Variants in KIF16B observed in about 807,000 individuals in gnomAD.
KIF16B encodes the protein kinesin family member 16B.
KIF16B carries 98 observed loss-of-function variants against 156.3 expected under a neutral mutation model. The observed-to-expected ratio is 0.63, with a 90% confidence interval of 0.53 to 0.74. The LOEUF (loss-of-function observed/expected upper bound fraction) is 0.74. Among genes scored for constraint, KIF16B ranks in the 30% least tolerant of loss-of-function variants. KIF16B has a pLI of 0.00. For synonymous variants in KIF16B, 564 were observed against 583.7 expected, an observed-to-expected ratio of 0.97 and a Z score of 0.49; for missense variants, 1,421 against 1,606.5, an observed-to-expected ratio of 0.88 and a Z score of 1.97.
intron 1 of KIF16B, among the ~76,000 whole-genome samples, chr20:16,570,145 C>G (rs963493161): frequency 2.0e-5 from 3 of 152,206 alleles, no homozygotes; most frequent in Non-Finnish European, 4.4e-5. Context: ...TATAACTTAA[C>G]AAATTTCCCA....
At chr20:16,442,559 A>G (rs1008961368) in intron 12 of KIF16B, among the ~76,000 whole-genome samples, 1 of 152,112 alleles carries the variant, frequency 6.6e-6, no homozygotes, top group African/African-American at 2.4e-5. Context: ...GATGATAAAT[A>G]TATCTGGATT....
intron 19 of KIF16B, among the ~76,000 whole-genome samples, chr20:16,375,182 C>A (rs1236772040): frequency 6.6e-6 from 1 of 152,252 alleles, no homozygotes; most frequent in African/African-American, 2.4e-5. Flanking sequence ...GGCCAGAGGG[C>A]CAACCTTGCC....
intron 12 of KIF16B, among the ~76,000 whole-genome samples, chr20:16,436,098 C>A (rs2066634187): frequency 6.6e-6 from 1 of 151,948 alleles, no homozygotes; most frequent in South Asian, 2.1e-4. Context: ...ATCTATGCAG[C>A]CACCCATAGC....
chr20:16,374,918 A>T (rs1171083303), intron 19 of KIF16B, among the ~76,000 whole-genome samples: 1 of 152,198 alleles, frequency 6.6e-6, no homozygotes, highest in Admixed American at 6.5e-5. Context: ...ACGGCAGAAG[A>T]TTATCTAAGT....
intron 25 of KIF16B, among the ~76,000 whole-genome samples, chr20:16,305,407 C>A (rs78224724): frequency 0.019 from 2,927 of 152,204 alleles, 42 homozygotes; most frequent in Non-Finnish European, 0.032. Context: ...ATCAACCATA[C>A]TTTTTATTGA....
chr20:16,487,129 T>C (rs1322229301), intron 12 of KIF16B, among the ~76,000 whole-genome samples: 1 of 152,002 alleles, frequency 6.6e-6, no homozygotes, highest in Admixed American at 6.6e-5. Flanking sequence ...GGTGGGTGCC[T>C]GTATTCCCAG....
At chr20:16,511,576 A>G in intron 5 of KIF16B, 49 bp from the exon 6 acceptor site, 1 of 1,228,662 alleles carries the variant, frequency 8.1e-7, no homozygotes, top group Non-Finnish European at 1.2e-6. Flanking sequence ...TTCAGACATT[A>G]ATATCAGTAA....
chr20:16,297,507 T>C (rs1022483072), intron 25 of KIF16B, among the ~76,000 whole-genome samples: 1 of 151,990 alleles, frequency 6.6e-6, no homozygotes. Flanking sequence ...TCTGGCTGGC[T>C]AACACGGTGA....
In KIF16B at chr20:16,542,255, G is replaced by A. The variant is rs2070233675; in HGVS notation, c.48-13815C>T. On this transcript the variant is annotated intron_variant, in intron 1 of 25. Transcript: ENST00000354981. ...AACCATTACTGAAGAGGTTTAGTTA[G>A]AAGCTAGAGAAATCCTTATCTGGGA... is the stretch of plus-strand genomic sequence containing the variant. Among the ~76,000 whole-genome samples the A allele has an allele frequency of 3.9e-5, 6 of 152,304 alleles. No homozygotes were observed. The South Asian group carries it at 1.2e-3, about 32-fold the overall frequency.
At chr20:16,530,447 G>A (rs1008893195) in intron 1 of KIF16B, among the ~76,000 whole-genome samples, 1 of 152,182 alleles carries the variant, frequency 6.6e-6, no homozygotes, top group Non-Finnish European at 1.5e-5. Flanking sequence ...AAAAGTCAGG[G>A]ACGACAGAGT....
intron 12 of KIF16B, among the ~76,000 whole-genome samples, chr20:16,463,794 C>A (rs935678463): frequency 6.6e-6 from 1 of 152,142 alleles, no homozygotes; most frequent in Admixed American, 6.5e-5. Flanking sequence ...GTTTCCAATT[C>A]TTGGCTCTCA....
At chr20:16,292,004 C>A (rs1160780649) in intron 25 of KIF16B, among the ~76,000 whole-genome samples, 2 of 152,172 alleles carry the variant, frequency 1.3e-5, no homozygotes, top group South Asian at 4.1e-4. Context: ...GAGAAAAAGG[C>A]AATGGCTTCA....
intron 16 of KIF16B, 149 bp downstream of exon 16, chr20:16,406,225 C>T (rs2065779757): frequency 1.5e-6 from 1 of 655,448 alleles, no homozygotes; most frequent in Admixed American, 2.5e-5. Context: ...TGCTGGGAAA[C>T]AATCTCCCTA....
intron 9 of KIF16B, 72 bp downstream of exon 9, chr20:16,505,650 T>G (rs1429732377): frequency 7.1e-7 from 1 of 1,417,602 alleles, no homozygotes; most frequent in Non-Finnish European, 9.7e-7. Flanking sequence ...AATAAGACAC[T>G]TTAAACTTAA....
intron 17 of KIF16B, among the ~76,000 whole-genome samples, chr20:16,388,066 T>C (rs906966688): frequency 6.6e-6 from 1 of 152,208 alleles, no homozygotes; most frequent in African/African-American, 2.4e-5. Flanking sequence ...CTTTGGTTGT[T>C]TTCTACTGAA....
At chr20:16,554,026 G>A (rs2070759230) in intron 1 of KIF16B, among the ~76,000 whole-genome samples, 1 of 152,184 alleles carries the variant, frequency 6.6e-6, no homozygotes, top group African/African-American at 2.4e-5. Flanking sequence ...CTCAGCGCCG[G>A]CCTGCAGGCA....
At chr20:16,494,502 T>C (rs1184984561) in intron 11 of KIF16B, 152 bp from the exon 12 acceptor site, 5 of 564,326 alleles carry the variant, frequency 8.9e-6, no homozygotes, top group Non-Finnish European at 1.6e-5. Flanking sequence ...TCACCAAAGA[T>C]AAATCAAACA....
chr20:16,421,737 C>T (rs544556301), intron 15 of KIF16B, among the ~76,000 whole-genome samples: 1 of 152,186 alleles, frequency 6.6e-6, no homozygotes, highest in Non-Finnish European at 1.5e-5. Flanking sequence ...ATGCTAATGA[C>T]ATTTACATTC....
Position 16,379,950 on chromosome 20 carries a change from C to T in KIF16B, c.2052G>A (p.Leu684=). 4 of 1,613,538 alleles carry T rather than the reference C, an allele frequency of 2.5e-6. No homozygotes were observed. Among genetic ancestry groups the T allele is most frequent in the Non-Finnish European group, 3.4e-6 (4 of 1,179,914 alleles). Residue 684 remains leucine (L), a synonymous_variant, in exon 19 of 26, where the codon CTG becomes CTA. Transcript: ENST00000354981. The part of the protein sequence containing the change: ...AEKEKFEEER[L]REQQEIELQK... ...GCAGCTCGATTTCCTGCTGTTCCCT[C>T]AGCCTCTCCTCTTCAAATTTTTCCT...
Sources: gnomAD v4.1 joint callset for allele counts (sites outside exome capture counted in the v4.1 genomes callset) on GRCh38, gnomAD v4.1.1 for gene constraint, MANE v1.5 for transcripts, NCBI Gene and HGNC (gene_info 2026-07-23, HGNC 2026-07-21) for gene names.